Variants in SERINC4 observed in about 807,000 individuals in gnomAD.
SERINC4 encodes the protein serine incorporator 4.
A neutral mutation model predicts 52.0 loss-of-function variants in SERINC4; 52 were observed. The observed-to-expected ratio is 1.00, with a 90% CI of 0.80 to 1.26. The LOEUF (loss-of-function observed/expected upper bound fraction) is 1.26. Ranked by LOEUF, SERINC4 falls within the 50% of genes most tolerant of loss-of-function variation. The pLI, the probability that SERINC4 is intolerant of heterozygous loss-of-function variation, is 0.00. For missense variants in SERINC4, 723 were observed against 632.8 expected, an observed-to-expected ratio of 1.14 and a Z score of -1.53; for synonymous variants, 264 against 247.7, an observed-to-expected ratio of 1.07 and a Z score of -0.62.
intron 11 of SERINC4, 24 bp downstream of exon 11, chr15:43,795,364 T>A: frequency 6.2e-7 from 1 of 1,612,688 alleles, no homozygotes; most frequent in Non-Finnish European, 8.5e-7. Flanking sequence ...TTCAGGAGAG[T>A]ATCTAAGGCC....
intron 5 of SERINC4, 149 bp downstream of exon 5, chr15:43,797,771 A>G (rs2087242931): frequency 3.2e-6 from 2 of 622,726 alleles, no homozygotes; most frequent in Non-Finnish European, 2.9e-6. Context: ...TACTTGGCCC[A>G]CGCAGTCATC....
At chr15:43,798,804 G>C in intron 3 of SERINC4, 155 bp downstream of exon 3, 1 of 758,316 alleles carries the variant, frequency 1.3e-6, no homozygotes. Context: ...ACAAAGTCTG[G>C]CTCAAGGTTA....
In SERINC4 at chr15:43,795,227, G is replaced by A. The variant is rs1402058639; in HGVS notation, c.1344-14C>T. 1.9e-6 allele frequency: 3 copies of A among 1,613,290 alleles called. No individual in the cohort carries two copies. Among genetic ancestry groups the A allele is most frequent in the Non-Finnish European group, 2.5e-6 (3 of 1,179,412 alleles). The stretch of plus-strand genomic sequence containing the variant: ...GCTCCCTCATAGCTGTGTAACCAAA[G>A]GCTCTGGTTAGAGAATATGAAGGGC... On this transcript the variant is annotated splice_polypyrimidine_tract_variant and intron_variant, in intron 11 of 11. Coordinates refer to ENST00000319327, the MANE Select transcript of SERINC4 (RefSeq NM_001258031.2).
Position 43,799,027 on chromosome 15 carries a change from G to GT in SERINC4, c.389dup (p.His130GlnfsTer23). 1 of 1,550,550 alleles carries GT rather than the reference G, an allele frequency of 6.4e-7. No homozygotes were observed. Among genetic ancestry groups the GT allele is most frequent in the Non-Finnish European group, 8.7e-7 (1 of 1,146,994 alleles). On this transcript the variant is annotated frameshift_variant, in exon 3 of 12. Transcript: ENST00000319327. LOFTEE classifies it high-confidence loss of function. ...GGACCAGCAACACAGCCTGCAGCAG[G>GT]TGGAAGGTGGCGGTTCCTGCACATA...
In SERINC4 at chr15:43,795,079, G is replaced by A; in HGVS notation, c.1478C>T (p.Thr493Ile). The change falls in exon 12 of 12, where the codon ACC becomes ATC. Residue 493 changes from threonine (T) to isoleucine (I), a missense_variant. By Grantham distance (89) the Thr-to-Ile change is moderately conservative. Transcript: ENST00000319327. ...LLLAPLCWPP[T>I]QKPQPLILRR... The stretch of plus-strand genomic sequence containing the variant: ...CAAGATAAGGGGCTGGGGTTTCTGG[G>A]TGGGGGGCCAACAGAGTGGTGCCAG... The A allele has an allele frequency of 6.2e-7, 1 of 1,613,662 alleles. No homozygotes were observed. The highest frequency in any genetic ancestry group is 8.5e-7 in the Non-Finnish European group (1 of 1,180,002).
Position 43,797,990 on chromosome 15 carries a change from C to T in SERINC4, c.562G>A (p.Gly188Arg), listed in dbSNP as rs558199993. 1 of 1,613,634 alleles carries T rather than the reference C, an allele frequency of 6.2e-7. No individual in the cohort carries two copies. Among genetic ancestry groups the T allele is most frequent in the East Asian group, 2.2e-5 (1 of 44,882 alleles). ...FPAWHYIGIC[G>R]GFAFILLQLV... Reference sequence around the variant, plus strand: ...TGCAGTAGGATGAATGCAAAGCCTCCACAGATGCCAATGTAATGCCATGCT... The same window carrying T: ...TGCAGTAGGATGAATGCAAAGCCTCTACAGATGCCAATGTAATGCCATGCT... Residue 188 changes from glycine to arginine, a missense_variant, in exon 5 of 12, where the codon GGA (glycine) becomes AGA (arginine). By Grantham distance (125) the Gly-to-Arg change is moderately radical (BLOSUM62 -2). Transcript: ENST00000319327.
At position 43,797,225 on chromosome 15, in the gene SERINC4, A is replaced by C. The variant is rs2087233538; in HGVS notation, c.764T>G (p.Leu255Arg). The C allele has an allele frequency of 6.4e-7, 1 of 1,550,692 alleles. No homozygotes were observed. The highest frequency in any genetic ancestry group is 8.7e-7 in the Non-Finnish European group (1 of 1,147,020). The change falls in exon 6 of 12, where the codon CTT becomes CGT. Residue 255 changes from leucine (L) to arginine (R), a missense_variant. Physicochemically the swap from Leu to Arg is moderately radical, Grantham distance 102. Transcript: ENST00000319327. The part of the protein sequence containing the change: ...HYYTHPAGCL[L>R]NKMLLSLHLC... ...GTGCAGACTGAGGAGCATCTTGTTAAGCAGGCAGCCAGCTGGGTGTGTATA... is the reference window on the plus strand; with the variant it reads ...GTGCAGACTGAGGAGCATCTTGTTACGCAGGCAGCCAGCTGGGTGTGTATA...
In SERINC4 at chr15:43,799,377, GC is replaced by G; in HGVS notation, c.211del (p.Ala71ProfsTer13). The G allele has an allele frequency of 6.4e-7, 1 of 1,551,058 alleles. No individual in the cohort carries two copies. Among genetic ancestry groups the G allele is most frequent in the Non-Finnish European group, 8.7e-7 (1 of 1,147,080 alleles). On this transcript the variant is annotated frameshift_variant, in exon 2 of 12. Transcript: ENST00000319327. LOFTEE classifies it high-confidence loss of function. ...RLFYILLHVG[A>X]SAICCLLLSR... ...CAGCAGGAGGCAGCAGATTGCTGAG[GC>G]CCCCACATGGAGGAGGATGTAGAAC...
In SERINC4 at chr15:43,799,033, G is replaced by C. The variant is rs1387360051; in HGVS notation, c.384C>G (p.Thr128=). ...GCAACACAGCCTGCAGCAGGTGGAA[G>C]GTGGCGGTTCCTGCACATACTCGGT... The part of the protein sequence containing the change: ...AVYRVCAGTA[T]FHLLQAVLLV... Residue 128 remains threonine (T), a synonymous_variant, in exon 3 of 12, where the codon ACC becomes ACG. Coordinates refer to ENST00000319327, the MANE Select transcript of SERINC4 (RefSeq NM_001258031.2). 2 of 1,550,580 alleles carry C rather than the reference G, an allele frequency of 1.3e-6. No homozygotes were observed. Among genetic ancestry groups the C allele is most frequent in the Non-Finnish European group, 1.7e-6 (2 of 1,147,000 alleles).
Position 43,797,939 on chromosome 15 carries a change from G to A in SERINC4, c.613C>T (p.His205Tyr), listed in dbSNP as rs149975349. 87 of 1,613,132 alleles carry A rather than the reference G, an allele frequency of 5.4e-5. No homozygotes were observed. The highest frequency in any genetic ancestry group is 5.0e-4 in the Middle Eastern group (3 of 6,060). The change falls in exon 5 of 12, where the codon CAT becomes TAT. Residue 205 changes from histidine to tyrosine, a missense_variant. His to Tyr is a moderately conservative substitution (Grantham distance 83). Transcript: ENST00000319327. ...LQLVLITAFA[H>Y]SWNKNWQTGA... is the part of the protein sequence containing the mutation. The stretch of plus-strand genomic sequence containing the variant: ...CCTTACCAGTTCTTGTTCCAGGAAT[G>A]GGCAAAAGCTGTAATAAGCACCAAC...
At position 43,797,315 on chromosome 15, in the gene SERINC4, A is replaced by C; in HGVS notation, c.674T>G (p.Val225Gly). Residue 225 changes from valine to glycine, a missense_variant, in exon 6 of 12, where the codon GTC becomes GGC. Val to Gly is a moderately radical substitution (Grantham distance 109). Transcript: ENST00000319327. ...AAQDCSWFLA[V>G]LLATLGFYSM... Reference sequence around the variant, plus strand: ...GTAGAATCCTAGGGTGGCCAGCAGGACAGCCAGGAACCAGCTACAGTCTTG... The same window carrying C: ...GTAGAATCCTAGGGTGGCCAGCAGGCCAGCCAGGAACCAGCTACAGTCTTG... 3 of 1,549,136 alleles carry C rather than the reference A, an allele frequency of 1.9e-6. No individual in the cohort carries two copies. The highest frequency in any genetic ancestry group is 2.0e-5 in the Admixed American group (1 of 50,990).
At chr15:43,799,818 C>T (rs1336015434) in intron 1 of SERINC4, 67 bp downstream of exon 1, 5 of 1,226,662 alleles carry the variant, frequency 4.1e-6, no homozygotes, top group South Asian at 4.0e-5. Flanking sequence ...AGAGGCCTGT[C>T]GTTTTTATTG....
At chr15:43,799,513 C>G (rs756657635) in intron 1 of SERINC4, 27 bp from the exon 2 acceptor site, 1 of 1,550,808 alleles carries the variant, frequency 6.4e-7, no homozygotes, top group South Asian at 1.2e-5. Flanking sequence ...TGCAAGGCAG[C>G]GAGGTGGAGA....
intron 8 of SERINC4, 99 bp downstream of exon 8, chr15:43,796,517 C>T: frequency 7.4e-7 from 1 of 1,342,978 alleles, no homozygotes; most frequent in Non-Finnish European, 1.0e-6. Context: ...TCTAGTCTTG[C>T]TCTAAACTTT....
Position 43,799,424 on chromosome 15 carries a change from G to A in SERINC4, c.165C>T (p.Thr55=), listed in dbSNP as rs768960279. The change falls in exon 2 of 12, where the codon ACC becomes ACT. Residue 55 remains threonine (T), a synonymous_variant. Coordinates refer to ENST00000319327, the MANE Select transcript of SERINC4 (RefSeq NM_001258031.2). ...SCCHSRWPSL[T]ASTCSRLFYI... ...AGAACAGGCGGCTGCAAGTGGATGC[G>A]GTGAGAGAGGGCCACCTAGAGTGGC... 38 of 1,550,648 alleles carry A rather than the reference G, an allele frequency of 2.5e-5. No homozygotes were observed. The East Asian group carries it at 4.6e-4, about 19-fold the overall frequency.
Position 43,799,336 on chromosome 15 carries a change from C to T in SERINC4, c.253G>A (p.Glu85Lys). Residue 85 changes from glutamate to lysine, a missense_variant, in exon 2 of 12, where the codon GAA becomes AAA. Physicochemically the swap from Glu to Lys is moderately conservative, Grantham distance 56. Transcript: ENST00000319327. The stretch of plus-strand genomic sequence containing the variant: ...CTGTGTGTCTTGCCCCACACCCTTT[C>T]CACTACTGTCCTTGACAGCAGGAGG... ...CCLLLSRTVV[E>K]RVWGKTHRIQ... 1 of 1,551,168 alleles carries T rather than the reference C, an allele frequency of 6.4e-7. No homozygotes were observed.
At chr15:43,799,725 A>G (rs1055227363) in intron 1 of SERINC4, 160 bp downstream of exon 1, 7 of 825,826 alleles carry the variant, frequency 8.5e-6, no homozygotes, top group Admixed American at 6.0e-5. Flanking sequence ...CTCTCGACCT[A>G]AACACCTGGG....
intron 3 of SERINC4, 132 bp from the exon 4 acceptor site, chr15:43,798,636 C>G: frequency 2.8e-6 from 2 of 706,340 alleles, no homozygotes; most frequent in Non-Finnish European, 5.0e-6. Context: ...AAGGAGGAAC[C>G]AATCCCAAAT....
At position 43,796,624 on chromosome 15, in the gene SERINC4, AAG is replaced by A. The variant is rs781717616; in HGVS notation, c.1057_1058del (p.Leu353PhefsTer5). 6.2e-7 allele frequency: 1 copy of A among 1,614,028 alleles called. No homozygotes were observed. Among genetic ancestry groups the A allele is most frequent in the Admixed American group, 1.7e-5 (1 of 60,006 alleles). On this transcript the variant is annotated frameshift_variant, in exon 8 of 12. Transcript: ENST00000319327. LOFTEE classifies it high-confidence loss of function. The part of the protein sequence containing the change: ...LSASIMYACV[L>X]FACNEASYLA... ...TTGACACCTTTACGCACCAAGCAAA[AAG>A]CACACAAGCATACATGATGCTAGCA...
Sources: gnomAD v4.1 joint callset for allele counts on GRCh38, gnomAD v4.1.1 for gene constraint, MANE v1.5 for transcripts, NCBI Gene and HGNC (gene_info 2026-07-23, HGNC 2026-07-21) for gene names.